CSMD2: variants seen among roughly 807,000 people sequenced by gnomAD.
CSMD2 encodes CUB and Sushi multiple domains 2.
A neutral mutation model predicts 398.5 loss-of-function variants in CSMD2; 130 were observed. That is an observed-to-expected ratio of 0.33 (90% CI 0.28 to 0.38). CSMD2 has a LOEUF of 0.38. CSMD2 is among the 10% of genes least tolerant of loss of function. The pLI, the probability that CSMD2 is intolerant of heterozygous loss-of-function variation, is 1.00. For synonymous variants in CSMD2, 1,828 were observed against 1,908.5 expected (o/e 0.96, Z 1.10); for missense variants, 3,829 against 4,764.9 (o/e 0.80, Z 5.78).
intron 3 of CSMD2, among the ~76,000 whole-genome samples, chr1:33,987,183 C>T (rs1300951069): frequency 6.6e-6 from 1 of 152,122 alleles, no homozygotes; most frequent in Non-Finnish European, 1.5e-5. Context: ...CCTTGTTCTT[C>T]CACTACCTAA....
chr1:33,849,698 C>T (rs532875892), intron 5 of CSMD2, among the ~76,000 whole-genome samples: 18 of 151,508 alleles, frequency 1.2e-4, no homozygotes, highest in African/African-American at 4.1e-4. Context: ...AGAGGCCAAG[C>T]GGGGAGGATT....
intron 53 of CSMD2, among the ~76,000 whole-genome samples, chr1:33,564,271 T>C (rs1658846491): frequency 6.6e-6 from 1 of 152,218 alleles, no homozygotes; most frequent in South Asian, 2.1e-4. Flanking sequence ...TAGAGTTACA[T>C]AGCCACAGCA....
intron 5 of CSMD2, among the ~76,000 whole-genome samples, chr1:33,886,344 A>G (rs1570398261): frequency 1.3e-5 from 2 of 152,204 alleles, no homozygotes; most frequent in East Asian, 3.9e-4. Context: ...CAGGTGTGAG[A>G]GCACCTAAAC....
chr1:33,960,795 T>C (rs1469183458), intron 3 of CSMD2, among the ~76,000 whole-genome samples: 3 of 152,228 alleles, frequency 2.0e-5, no homozygotes, highest in Non-Finnish European at 4.4e-5. Context: ...CAGAAGTCTA[T>C]GTATATGATG....
rs540892505 is a variant in CSMD2, at chr1:33,534,769, A to G, written c.9880-862T>C. ...TGGATTTCATCATTTGACTTAGCAA[A>G]TGGCACCTTTATCCATGCAGTTGTG... On this transcript the variant is annotated intron_variant, in intron 62 of 70. Coordinates refer to ENST00000373381, the MANE Select transcript of CSMD2 (RefSeq NM_001281956.2). 1.6e-4 allele frequency among the ~76,000 whole-genome samples: 24 copies of G among 152,312 alleles called. 1 individual carries two copies. Among genetic ancestry groups the G allele is most frequent in the Middle Eastern group, 3.4e-3 (1 of 294 alleles).
At chr1:33,748,554 T>C (rs1557834394) in intron 13 of CSMD2, among the ~76,000 whole-genome samples, 1 of 152,220 alleles carries the variant, frequency 6.6e-6, no homozygotes, top group African/African-American at 2.4e-5. Flanking sequence ...AAGGGGCTTG[T>C]TGAAGACCCC....
At position 33,635,072 on chromosome 1, in the gene CSMD2, CTCGGCCG is replaced by C; in HGVS notation, c.5086+135_5086+141del. 1.7e-6 allele frequency: 1 copy of C among 600,786 alleles called. No individual in the cohort carries two copies. Among genetic ancestry groups the C allele is most frequent in the South Asian group, 1.8e-5 (1 of 54,128 alleles). 37.2% of individuals were successfully genotyped at this position (600,786 alleles called of 1,614,324 possible). ...GCAGCCCGTTTGAGAAACGTCAGCA[CTCGGCCG>C]TCCTTTTGGGGAGACTGTTCTGCGA... is the stretch of plus-strand genomic sequence containing the variant. On this transcript the variant is annotated intron_variant, in intron 31 of 70. Transcript: ENST00000373381. The surrounding 1 kb of genome is among the most constrained non-coding windows in gnomAD (Gnocchi z 5.0).
chr1:34,138,503 T>C (rs754044202), intron 1 of CSMD2, among the ~76,000 whole-genome samples: 1 of 152,212 alleles, frequency 6.6e-6, no homozygotes, highest in Non-Finnish European at 1.5e-5. Context: ...TCAAGAGACT[T>C]CAATTAAGAT....
intron 22 of CSMD2, among the ~76,000 whole-genome samples, chr1:33,706,904 C>T (rs756902540): frequency 2.6e-5 from 4 of 151,828 alleles, no homozygotes; most frequent in Non-Finnish European, 5.9e-5. Flanking sequence ...TGTGTGTGCA[C>T]GTATGTGTGT....
chr1:33,530,582 C>A (rs1342649715), intron 64 of CSMD2, among the ~76,000 whole-genome samples: 1 of 152,118 alleles, frequency 6.6e-6, no homozygotes, highest in Non-Finnish European at 1.5e-5. Context: ...TACAGCAATA[C>A]CATTATGGAG....
chr1:33,802,940 C>T (rs899263646), intron 10 of CSMD2, among the ~76,000 whole-genome samples: 1 of 152,186 alleles, frequency 6.6e-6, no homozygotes, highest in Non-Finnish European at 1.5e-5. Flanking sequence ...TCCTTGCCGG[C>T]TACTGCCCAT....
In CSMD2 at chr1:33,918,076, A is replaced by G; in HGVS notation, c.920+18T>C. ...TTGCAGAGAATAGGGTAGGAAAGGA[A>G]GGTGATGTTGTGCTTACCAGAGGGA... On this transcript the variant is annotated intron_variant, in intron 5 of 70. Coordinates refer to ENST00000373381, the MANE Select transcript of CSMD2 (RefSeq NM_001281956.2). The G allele has an allele frequency of 6.2e-7, 1 of 1,608,226 alleles. No homozygotes were observed.
chr1:33,978,030 C>T (rs1646032343), intron 3 of CSMD2, among the ~76,000 whole-genome samples: 1 of 152,092 alleles, frequency 6.6e-6, no homozygotes, highest in South Asian at 2.1e-4. Flanking sequence ...CTGGGCCAGC[C>T]CTGTCTAAAA....
At position 33,725,422 on chromosome 1, in the gene CSMD2, G is replaced by T. The variant is rs781025810; in HGVS notation, c.2622C>A (p.Thr874=). 1 of 1,614,124 alleles carries T rather than the reference G, an allele frequency of 6.2e-7. No individual in the cohort carries two copies. The highest frequency in any genetic ancestry group is 8.5e-7 in the Non-Finnish European group (1 of 1,179,978). ...AGAAGAGGAGGTAGAGGTAGTTGCT[G>T]GTGCTGATGAGGAACTGGGGAACCT... ...GTQVPQFLIS[T]SNYLYLLFST... The change falls in exon 17 of 71, where the codon ACC becomes ACA. Residue 874 remains threonine, a synonymous_variant. Coordinates refer to ENST00000373381, the MANE Select transcript of CSMD2 (RefSeq NM_001281956.2).
chr1:33,712,447 C>A lies in CSMD2; in HGVS notation c.3406+2140G>T, dbSNP rs532167570. ...CAATTTGCATGGCGACTGGGAGCAG[C>A]CCCCGGTGGGCATTCCTGAGATGCC... is the stretch of plus-strand genomic sequence containing the variant. On this transcript the variant is annotated intron_variant, in intron 21 of 70. Transcript: ENST00000373381. Among the ~76,000 whole-genome samples the A allele has an allele frequency of 2.0e-5, 3 of 152,326 alleles. No individual in the cohort carries two copies. In the South Asian group the frequency reaches 6.2e-4, roughly 32 times the overall value.
intron 1 of CSMD2, among the ~76,000 whole-genome samples, chr1:34,121,611 G>C (rs1228640903): frequency 6.6e-6 from 1 of 152,162 alleles, no homozygotes; most frequent in East Asian, 1.9e-4. Context: ...AGGTGATACT[G>C]ATATAAATTC....
intron 5 of CSMD2, chr1:33,862,081 A>C (rs1034775941): frequency 1.3e-5 from 2 of 152,296 alleles, no homozygotes; most frequent in African/African-American, 4.8e-5. Context: ...GGGATCTGGA[A>C]GGGCAACTCT....
At chr1:33,739,002 G>A (rs1173684503) in intron 15 of CSMD2, 138 bp downstream of exon 15, 2 of 730,518 alleles carry the variant, frequency 2.7e-6, no homozygotes, top group South Asian at 1.9e-5. Flanking sequence ...CAGCATGAGG[G>A]TGAGAGAGTG....
intron 3 of CSMD2, among the ~76,000 whole-genome samples, chr1:33,942,277 C>T (rs1010751167): frequency 6.6e-6 from 1 of 152,242 alleles, no homozygotes; most frequent in African/African-American, 2.4e-5. Context: ...CATTCTTGCA[C>T]AGTCCATTCC....
Sources: gnomAD v4.1 joint callset for allele counts (sites outside exome capture counted in the v4.1 genomes callset) on GRCh38, gnomAD v4.1.1 for gene constraint, Gnocchi (gnomAD v3.1) non-coding constraint, MANE v1.5 for transcripts, NCBI Gene and HGNC (gene_info 2026-07-23, HGNC 2026-07-21) for gene names.